Variants in ATP6V1A observed in about 807,000 individuals in gnomAD.
ATP6V1A encodes the protein V-type proton ATPase catalytic subunit A.
Under a neutral mutation model 70.1 loss-of-function variants are expected in ATP6V1A, and 18 were observed. The ratio of observed to expected loss-of-function variants is 0.26; its 90% CI spans 0.18 to 0.38. ATP6V1A has a LOEUF of 0.38. Among genes scored for constraint, ATP6V1A ranks in the 10% least tolerant of loss-of-function variants. ATP6V1A has a pLI of 1.00. For synonymous variants in ATP6V1A, 232 were observed against 253.8 expected (o/e 0.91, Z 0.82); for missense variants, 424 against 772.4 (o/e 0.55, Z 5.35).
intron 1 of ATP6V1A, among the ~76,000 whole-genome samples, chr3:113,768,592 C>CTT (rs34915547): frequency 3.0e-4 from 31 of 103,378 alleles, no homozygotes; most frequent in Non-Finnish European, 4.1e-4. Flanking sequence ...TAGCCTGTAT[C>CTT]TTTTTTTTTT....
At chr3:113,796,588 C>G (rs1215024719) in intron 11 of ATP6V1A, among the ~76,000 whole-genome samples, 1 of 151,964 alleles carries the variant, frequency 6.6e-6, no homozygotes, top group Non-Finnish European at 1.5e-5. Flanking sequence ...GGATAGGTAG[C>G]CAGCTTGGCT....
At position 113,771,460 on chromosome 3, in the gene ATP6V1A, C is replaced by T. The variant is rs1355863085; in HGVS notation, c.-13-7281C>T. ...TTTTTTTTTTTTTTTTTTTTTGAGACGGAGTCTCGCTCTGTCGCCCAGGCT... is the reference window on the plus strand; with the variant it reads ...TTTTTTTTTTTTTTTTTTTTTGAGATGGAGTCTCGCTCTGTCGCCCAGGCT... On this transcript the variant is annotated intron_variant, in intron 1 of 14. Transcript: ENST00000273398. Among the ~76,000 whole-genome samples the T allele has an allele frequency of 5.8e-5, 7 of 120,072 alleles. No individual in the cohort carries two copies. In the South Asian group the frequency reaches 1.1e-3, roughly 19 times the overall value. 78.8% of individuals were successfully genotyped at this position (120,072 alleles called of 152,430 possible). A position where few individuals can be genotyped will look rare whatever the true frequency, so the allele number is the denominator to read the frequency against.
chr3:113,800,677 G>A (rs1709201500), intron 12 of ATP6V1A, among the ~76,000 whole-genome samples: 1 of 152,136 alleles, frequency 6.6e-6, no homozygotes, highest in East Asian at 1.9e-4. Context: ...CAAATATTAA[G>A]AAAATATCTT....
Position 113,752,247 on chromosome 3 carries a change from A to G in ATP6V1A, c.-14+5134A>G, listed in dbSNP as rs528013072. Among the ~76,000 whole-genome samples the G allele has an allele frequency of 4.6e-4, 70 of 152,028 alleles. 1 individual carries two copies. Among genetic ancestry groups the G allele is most frequent in the African/African-American group, 1.7e-3 (70 of 41,568 alleles). On this transcript the variant is annotated intron_variant, in intron 1 of 14. Coordinates refer to ENST00000273398, the MANE Select transcript of ATP6V1A (RefSeq NM_001690.4). ...GAGCAATGAAAAGCAACCAGACTTT[A>G]TAAGTTTTTAGTTCTTAGTTTAATT... is the stretch of plus-strand genomic sequence containing the variant.
intron 14 of ATP6V1A, among the ~76,000 whole-genome samples, chr3:113,806,565 T>G (rs1218119650): frequency 6.6e-6 from 1 of 152,108 alleles, no homozygotes; most frequent in African/African-American, 2.4e-5. Flanking sequence ...TTCAAGCGAT[T>G]CTCCTGCCTC....
intron 1 of ATP6V1A, among the ~76,000 whole-genome samples, chr3:113,771,726 C>T (rs1204443752): frequency 1.3e-5 from 2 of 151,950 alleles, no homozygotes; most frequent in African/African-American, 4.8e-5. Context: ...CATGACCCAC[C>T]GCGCCCGGCC....
At chr3:113,769,568 C>G (rs749191095) in intron 1 of ATP6V1A, among the ~76,000 whole-genome samples, 1 of 152,190 alleles carries the variant, frequency 6.6e-6, no homozygotes, top group Non-Finnish European at 1.5e-5. Context: ...CCCCCAACAG[C>G]CATATCATCC....
At chr3:113,788,644 C>T (rs916583077) in intron 6 of ATP6V1A, 69 bp from the exon 7 acceptor site, 20 of 1,502,632 alleles carry the variant, frequency 1.3e-5, no homozygotes, top group Middle Eastern at 2.2e-4. Context: ...CCACCGCGCC[C>T]GGCCCCTACT....
chr3:113,751,283 T>A (rs953128478), intron 1 of ATP6V1A, among the ~76,000 whole-genome samples: 6 of 152,034 alleles, frequency 3.9e-5, no homozygotes, highest in Non-Finnish European at 8.8e-5. Flanking sequence ...TAGAGTAAAA[T>A]TCTTCCCTTC....
chr3:113,809,549 A>G lies in ATP6V1A; in HGVS notation c.*122A>G. On this transcript the variant is annotated 3_prime_UTR_variant, in exon 15 of 15. Coordinates refer to ENST00000273398, the MANE Select transcript of ATP6V1A (RefSeq NM_001690.4). Reference sequence around the variant, plus strand: ...TTGTGCAGCTTTGAGACTAGTGCCTATGTGTGTTATTTGTTTCCCTGTTTT... The same window carrying G: ...TTGTGCAGCTTTGAGACTAGTGCCTGTGTGTGTTATTTGTTTCCCTGTTTT... 2 of 781,394 alleles carry G rather than the reference A, an allele frequency of 2.6e-6. No individual in the cohort carries two copies. Among genetic ancestry groups the G allele is most frequent in the South Asian group, 1.8e-5 (1 of 54,776 alleles). 48.4% of individuals were successfully genotyped at this position (781,394 alleles called of 1,614,324 possible).
intron 1 of ATP6V1A, among the ~76,000 whole-genome samples, chr3:113,761,406 T>C (rs1389636864): frequency 6.6e-6 from 1 of 151,844 alleles, no homozygotes; most frequent in Non-Finnish European, 1.5e-5. Context: ...CAAAATTTGC[T>C]CAGTAACGAG....
At chr3:113,786,525 T>C in intron 6 of ATP6V1A, 142 bp downstream of exon 6, 1 of 855,914 alleles carries the variant, frequency 1.2e-6, no homozygotes, top group Non-Finnish European at 1.6e-6. Context: ...TTAAATATTT[T>C]TATCTATTGC....
At chr3:113,793,054 T>G (rs1292525188) in intron 8 of ATP6V1A, among the ~76,000 whole-genome samples, 2 of 152,156 alleles carry the variant, frequency 1.3e-5, no homozygotes, top group African/African-American at 2.4e-5. Flanking sequence ...TTTTGTTGTT[T>G]TTTTTTGTTT....
chr3:113,766,610 G>C (rs1708774545), intron 1 of ATP6V1A, among the ~76,000 whole-genome samples: 1 of 152,104 alleles, frequency 6.6e-6, no homozygotes, highest in African/African-American at 2.4e-5. Flanking sequence ...ATCATCTCTA[G>C]AGGGGCACTA....
At chr3:113,748,346 T>C (rs534781689) in intron 1 of ATP6V1A, among the ~76,000 whole-genome samples, 3 of 152,372 alleles carry the variant, frequency 2.0e-5, no homozygotes, top group South Asian at 2.1e-4. Flanking sequence ...TTATTTATAC[T>C]GCAAACTCAG....
Position 113,784,437 on chromosome 3 carries a change from G to A in ATP6V1A, c.425G>A (p.Arg142Gln), listed in dbSNP as rs767069658. 9 of 1,603,270 alleles carry A rather than the reference G, an allele frequency of 5.6e-6. No individual in the cohort carries two copies. The highest frequency in any genetic ancestry group is 1.7e-5 in the Admixed American group (1 of 59,440). Reference protein sequence around the residue: ...KWDFTPCKNLRVGSHITGGDI... With the variant: ...KWDFTPCKNLQVGSHITGGDI... ...GACTTTACACCTTGCAAAAACCTAC[G>A]GGTATGTCTGTGTAACCAAGAATTT... Residue 142 changes from arginine to glutamine, a missense_variant and splice_region_variant, in exon 4 of 15, where the codon CGG becomes CAG. By Grantham distance (43) the Arg-to-Gln change is conservative. Transcript: ENST00000273398.
At chr3:113,759,707 A>C (rs933007393) in intron 1 of ATP6V1A, among the ~76,000 whole-genome samples, 1 of 152,138 alleles carries the variant, frequency 6.6e-6, no homozygotes, top group Non-Finnish European at 1.5e-5. Flanking sequence ...ATATTTTAAA[A>C]ATCTTGGCCA....
At chr3:113,793,481 C>T (rs1450674862) in intron 8 of ATP6V1A, among the ~76,000 whole-genome samples, 1 of 152,174 alleles carries the variant, frequency 6.6e-6, no homozygotes, top group African/African-American at 2.4e-5. Context: ...GCACTGATAC[C>T]TGTAGGTCTG....
chr3:113,766,306 C>T (rs1023187098), intron 1 of ATP6V1A, among the ~76,000 whole-genome samples: 24 of 151,584 alleles, frequency 1.6e-4, no homozygotes, highest in African/African-American at 3.2e-4. Flanking sequence ...TTCTTTTTTT[C>T]GCTTCCCTTG....
Sources: gnomAD v4.1 joint callset for allele counts (sites outside exome capture counted in the v4.1 genomes callset) on GRCh38, gnomAD v4.1.1 for gene constraint, MANE v1.5 for transcripts, NCBI Gene and HGNC (gene_info 2026-07-23, HGNC 2026-07-21) for gene names.